Variants in SPAG16 observed in about 807,000 individuals in gnomAD.
SPAG16 encodes sperm associated antigen 16.
A neutral mutation model predicts 80.4 loss-of-function variants in SPAG16; 86 were observed. The ratio of observed to expected loss-of-function variants is 1.07; its 90% CI spans 0.90 to 1.28. The LOEUF (loss-of-function observed/expected upper bound fraction) is 1.28, where lower values mean the gene tolerates loss of function less well. SPAG16 is among the 50% of genes most tolerant of loss of function. The probability of loss-of-function intolerance (pLI) is 0.00; values close to 1 mark genes in which losing one functional copy is unlikely to be tolerated. For missense variants in SPAG16, 870 were observed against 765.3 expected (o/e 1.14, Z -1.61); for synonymous variants, 294 against 265.9 (o/e 1.11, Z -1.03).
At chr2:214,174,635 T>A (rs1187356711) in intron 15 of SPAG16, among the ~76,000 whole-genome samples, 1 of 151,718 alleles carries the variant, frequency 6.6e-6, no homozygotes, top group African/African-American at 2.4e-5. Context: ...TGGCTTAACA[T>A]CATCAATATT....
intron 10 of SPAG16, among the ~76,000 whole-genome samples, chr2:213,576,925 T>C (rs571237906): frequency 6.6e-6 from 1 of 152,218 alleles, no homozygotes; most frequent in East Asian, 1.9e-4. Context: ...AAATAATCTG[T>C]ACAACAATCC....
intron 13 of SPAG16, among the ~76,000 whole-genome samples, chr2:214,053,559 G>A (rs180685017): frequency 1.3e-5 from 2 of 152,184 alleles, no homozygotes; most frequent in African/African-American, 4.8e-5. Flanking sequence ...AAAAACCCCT[G>A]GAATACAACC....
At chr2:213,966,640 A>G (rs1192794607) in intron 12 of SPAG16, among the ~76,000 whole-genome samples, 1 of 152,198 alleles carries the variant, frequency 6.6e-6, no homozygotes, top group African/African-American at 2.4e-5. Context: ...ATATTTTCCA[A>G]ATCTTCTATG....
At chr2:214,078,675 G>C (rs2051208139) in intron 13 of SPAG16, among the ~76,000 whole-genome samples, 2 of 151,574 alleles carry the variant, frequency 1.3e-5, no homozygotes, top group South Asian at 4.1e-4. Context: ...TATAAATATA[G>C]TATATTTCTG....
chr2:214,340,856 C>T (rs563067625), intron 15 of SPAG16, among the ~76,000 whole-genome samples: 3 of 152,302 alleles, frequency 2.0e-5, no homozygotes, highest in Non-Finnish European at 4.4e-5. Flanking sequence ...AAACAGTCTT[C>T]TTTAACTGGC....
intron 12 of SPAG16, among the ~76,000 whole-genome samples, chr2:213,934,644 A>C (rs1343048446): frequency 6.6e-6 from 1 of 152,192 alleles, no homozygotes; most frequent in African/African-American, 2.4e-5. Context: ...TATATATCTA[A>C]ATGATATTTA....
chr2:214,010,961 T>G (rs1314808405), intron 12 of SPAG16, among the ~76,000 whole-genome samples: 1 of 146,072 alleles, frequency 6.8e-6, no homozygotes, highest in Non-Finnish European at 1.5e-5. Flanking sequence ...ATAATATACT[T>G]TAATATTTTT....
intron 15 of SPAG16, among the ~76,000 whole-genome samples, chr2:214,303,778 C>T (rs908037024): frequency 6.6e-6 from 1 of 152,014 alleles, no homozygotes; most frequent in African/African-American, 2.4e-5. Context: ...TTACATAATC[C>T]AGTATTTAGG....
chr2:213,428,592 C>T (rs151073303), intron 9 of SPAG16, among the ~76,000 whole-genome samples: 159 of 152,204 alleles, frequency 1.0e-3, no homozygotes, highest in Non-Finnish European at 1.8e-3. Context: ...GGCATTTGCT[C>T]CAGCTGTGGG....
intron 10 of SPAG16, among the ~76,000 whole-genome samples, chr2:213,686,673 C>A (rs1363236658): frequency 7.7e-6 from 1 of 130,076 alleles, no homozygotes; most frequent in Non-Finnish European, 1.6e-5. Flanking sequence ...TATTAATCCA[C>A]CTTTTTTTTT....
At chr2:213,471,599 C>G (rs535911582) in intron 9 of SPAG16, among the ~76,000 whole-genome samples, 3 of 152,280 alleles carry the variant, frequency 2.0e-5, no homozygotes, top group South Asian at 2.1e-4. Flanking sequence ...TGGGGGCCTG[C>G]CAGAGGCTCT....
chr2:214,037,605 C>G (rs961877002), intron 13 of SPAG16, among the ~76,000 whole-genome samples: 1 of 151,996 alleles, frequency 6.6e-6, no homozygotes, highest in Non-Finnish European at 1.5e-5. Flanking sequence ...TATATCAATT[C>G]TGATATATTA....
At chr2:213,516,824 A>G (rs2075442419) in intron 10 of SPAG16, among the ~76,000 whole-genome samples, 1 of 152,182 alleles carries the variant, frequency 6.6e-6, no homozygotes. Context: ...TGGAAAAATA[A>G]TTATGTTGTT....
At chr2:214,272,701 G>A (rs1160464313) in intron 15 of SPAG16, among the ~76,000 whole-genome samples, 2 of 152,166 alleles carry the variant, frequency 1.3e-5, no homozygotes, top group Admixed American at 6.6e-5. Flanking sequence ...CTGATGGATA[G>A]TTGGGTTGGT....
chr2:213,440,559 CAACAACA>C (rs1559135566), intron 9 of SPAG16, among the ~76,000 whole-genome samples: 1 of 144,762 alleles, frequency 6.9e-6, no homozygotes, highest in Non-Finnish European at 1.6e-5. Flanking sequence ...CATCTCAAAA[CAACAACA>C]ACAACAACAA....
At chr2:214,309,120 G>C (rs571350082) in intron 15 of SPAG16, among the ~76,000 whole-genome samples, 2 of 151,546 alleles carry the variant, frequency 1.3e-5, no homozygotes, top group Non-Finnish European at 2.9e-5. Context: ...TTCTCTACCT[G>C]TCTTATTTAA....
intron 5 of SPAG16, among the ~76,000 whole-genome samples, chr2:213,331,650 A>G (rs776419812): frequency 1.2e-4 from 18 of 152,230 alleles, no homozygotes; most frequent in Non-Finnish European, 2.9e-5. Flanking sequence ...CAAGTTTTAA[A>G]ACATTCAAAA....
At chr2:213,583,006 T>C (rs2060346872) in intron 10 of SPAG16, among the ~76,000 whole-genome samples, 1 of 152,190 alleles carries the variant, frequency 6.6e-6, no homozygotes, top group East Asian at 1.9e-4. Flanking sequence ...TGTCATTTTT[T>C]ATTTAAAGGT....
chr2:213,525,223 A>C (rs2075841678), intron 10 of SPAG16, among the ~76,000 whole-genome samples: 1 of 151,052 alleles, frequency 6.6e-6, no homozygotes, highest in Non-Finnish European at 1.5e-5. Context: ...CAGGTATGTA[A>C]GTTTCCTGAG....
Sources: allele counts gnomAD v4.1 joint callset (sites outside exome capture counted in the v4.1 genomes callset), GRCh38; gene constraint gnomAD v4.1.1; transcripts MANE v1.5; gene names NCBI Gene and HGNC (gene_info 2026-07-23, HGNC 2026-07-21).